STON2: variants seen among roughly 807,000 people sequenced by gnomAD.
STON2 encodes stonin 2.
A neutral mutation model predicts 65.7 loss-of-function variants in STON2; 29 were observed. The ratio of observed to expected loss-of-function variants is 0.44; its 90% CI spans 0.33 to 0.60. The LOEUF (loss-of-function observed/expected upper bound fraction) is 0.60. STON2 is among the 20% of genes least tolerant of loss of function. The pLI is 0.03. For missense variants in STON2, 1,054 were observed against 1,118.1 expected, an observed-to-expected ratio of 0.94 and a Z score of 0.82; for synonymous variants, 404 against 414.2, an observed-to-expected ratio of 0.98 and a Z score of 0.30.
intron 3 of STON2, among the ~76,000 whole-genome samples, chr14:81,378,109 G>A (rs1241142333): frequency 6.6e-6 from 1 of 152,102 alleles, no homozygotes; most frequent in Non-Finnish European, 1.5e-5. Context: ...GCCTCCCAAA[G>A]TGCTGGGATT....
chr14:81,426,108 G>A (rs1901961501), intron 2 of STON2, among the ~76,000 whole-genome samples: 1 of 152,172 alleles, frequency 6.6e-6, no homozygotes, highest in Admixed American at 6.5e-5. Flanking sequence ...CCTATGAGAT[G>A]GGCATTTTTA....
rs182880744 is a variant in STON2 at position 81,430,190 on chromosome 14, G to A, written c.-309-2978C>T. Among the ~76,000 whole-genome samples the A allele has an allele frequency of 4.6e-5, 7 of 152,240 alleles. 1 individual carries two copies. The highest frequency in any genetic ancestry group is 9.6e-5 in the African/African-American group (4 of 41,532). On this transcript the variant is annotated intron_variant, in intron 1 of 8. Transcript: ENST00000553821. The stretch of plus-strand genomic sequence containing the variant: ...GCCCAGCACAATCTGGGAAAGACTC[G>A]CTGTCTGAATTCACAGCACTTGACA...
chr14:81,350,249 G>C (rs1351932667), intron 4 of STON2, among the ~76,000 whole-genome samples: 1 of 152,054 alleles, frequency 6.6e-6, no homozygotes, highest in East Asian at 1.9e-4. Context: ...TGAGGTCATG[G>C]ATACCCTAAA....
chr14:81,346,341 G>A (rs1897809099), intron 4 of STON2, among the ~76,000 whole-genome samples: 2 of 152,158 alleles, frequency 1.3e-5, no homozygotes, highest in Admixed American at 6.5e-5. Flanking sequence ...TGAGAAGACG[G>A]ACTACAGGTC....
intron 4 of STON2, among the ~76,000 whole-genome samples, chr14:81,334,797 G>A (rs1356411735): frequency 6.6e-6 from 1 of 152,120 alleles, no homozygotes; most frequent in Non-Finnish European, 1.5e-5. Flanking sequence ...AGCTATAACA[G>A]GGAGCTGGCT....
chr14:81,318,315 T>A (rs2140234673), intron 5 of STON2, among the ~76,000 whole-genome samples: 1 of 152,106 alleles, frequency 6.6e-6, no homozygotes, highest in South Asian at 2.1e-4. Context: ...CAGCTATGAG[T>A]CCCCTGCTTA....
chr14:81,302,979 G>C (rs967325231), intron 5 of STON2, among the ~76,000 whole-genome samples: 10 of 152,066 alleles, frequency 6.6e-5, no homozygotes, highest in Non-Finnish European at 1.3e-4. Context: ...AAAAATATTT[G>C]CTGAGTTGAT....
rs752723305 is a variant in STON2 at position 81,395,944 on chromosome 14, T to C, written c.323A>G (p.Asp108Gly). Residue 108 changes from aspartate (D) to glycine (G), a missense_variant, in exon 3 of 8, where the codon GAC (aspartate) becomes GGC (glycine). By Grantham distance (94) the Asp-to-Gly change is moderately conservative. Transcript: ENST00000614646. ...TGGAGATGTGCTGGCCCAGGGTGTG[T>C]CATCTTCAAACTGAACCCAGTTGCT... ...AISNWVQFED[D>G]TPWASTSPPH... 1 of 1,614,108 alleles carries C rather than the reference T, an allele frequency of 6.2e-7. No individual in the cohort carries two copies. The highest frequency in any genetic ancestry group is 1.1e-5 in the South Asian group (1 of 91,074).
At chr14:81,427,000 T>C (rs1484930260) in intron 2 of STON2, 1 of 152,240 alleles carries the variant, frequency 6.6e-6, no homozygotes, top group African/African-American at 2.4e-5. Flanking sequence ...AGTGCTTTAC[T>C]GTTCATTTAA....
chr14:81,428,999 T>G (rs965244004), intron 1 of STON2, among the ~76,000 whole-genome samples: 4 of 152,200 alleles, frequency 2.6e-5, no homozygotes, highest in Non-Finnish European at 5.9e-5. Flanking sequence ...ATTCAGATGG[T>G]GTGTTTGCAT....
intron 5 of STON2, among the ~76,000 whole-genome samples, chr14:81,288,871 T>A (rs1261143951): frequency 6.6e-6 from 1 of 151,868 alleles, no homozygotes; most frequent in Non-Finnish European, 1.5e-5. Flanking sequence ...CTTATACCCA[T>A]GCCAGGGCTG....
intron 4 of STON2, among the ~76,000 whole-genome samples, chr14:81,342,745 G>A (rs898453833): frequency 1.6e-4 from 25 of 152,016 alleles, no homozygotes; most frequent in African/African-American, 5.8e-4. Flanking sequence ...CTGGAGTCCC[G>A]GGTACATGAA....
At chr14:81,331,861 T>G (rs1897230192) in intron 4 of STON2, among the ~76,000 whole-genome samples, 1 of 152,200 alleles carries the variant, frequency 6.6e-6, no homozygotes, top group Non-Finnish European at 1.5e-5. Context: ...AAGCCCTGCT[T>G]GCCCTCATTC....
chr14:81,434,269 C>T (rs1331141863), intron 1 of STON2, among the ~76,000 whole-genome samples: 1 of 152,224 alleles, frequency 6.6e-6, no homozygotes, highest in Admixed American at 6.5e-5. Context: ...GAATCAGTCA[C>T]AGTCTGAGAT....
intron 5 of STON2, among the ~76,000 whole-genome samples, chr14:81,293,299 G>A (rs1200814490): frequency 1.3e-5 from 2 of 151,210 alleles, no homozygotes; most frequent in African/African-American, 2.4e-5. Flanking sequence ...TCAGCCTCCC[G>A]AGTAGCTGGG....
At chr14:81,363,691 G>A (rs1303144545) in intron 4 of STON2, among the ~76,000 whole-genome samples, 2 of 152,096 alleles carry the variant, frequency 1.3e-5, no homozygotes, top group Non-Finnish European at 2.9e-5. Flanking sequence ...GGAAAAAGAT[G>A]AGTATCTCTG....
At chr14:81,294,929 T>C (rs1043168242) in intron 5 of STON2, among the ~76,000 whole-genome samples, 2 of 152,168 alleles carry the variant, frequency 1.3e-5, no homozygotes, top group African/African-American at 2.4e-5. Context: ...AGGCCTACAA[T>C]TGCTATTCAG....
chr14:81,406,754 C>T (rs1468944877), intron 2 of STON2, among the ~76,000 whole-genome samples: 1 of 152,148 alleles, frequency 6.6e-6, no homozygotes, highest in Non-Finnish European at 1.5e-5. Context: ...GTATCTTTGT[C>T]CCATTCTCAA....
In STON2 at chr14:81,268,386, G is replaced by C; in HGVS notation, c.*28C>G. Reference sequence around the variant, plus strand: ...GGAAGACACCCTATCATGACTCTGGGATCAGGATTCCTTGCCGCAAGGCTT... The same window carrying C: ...GGAAGACACCCTATCATGACTCTGGCATCAGGATTCCTTGCCGCAAGGCTT... On this transcript the variant is annotated 3_prime_UTR_variant, in exon 8 of 8. Transcript: ENST00000614646. 1 of 1,289,050 alleles carries C rather than the reference G, an allele frequency of 7.8e-7. No homozygotes were observed. The highest frequency in any genetic ancestry group is 1.0e-6 in the Non-Finnish European group (1 of 988,590). The allele number at this position is 1,289,050 out of a possible 1,614,324, so 79.9% of individuals were successfully genotyped here. A position where few individuals can be genotyped will look rare whatever the true frequency, so the allele number is the denominator to read the frequency against.
Sources: gnomAD v4.1 joint callset for allele counts (sites outside exome capture counted in the v4.1 genomes callset) on GRCh38, gnomAD v4.1.1 for gene constraint, MANE v1.5 for transcripts, NCBI Gene and HGNC (gene_info 2026-07-23, HGNC 2026-07-21) for gene names.